The following NBAS variants were observed in gnomAD, a reference collection of about 807,000 sequenced individuals.
NBAS encodes NAG/BC035112 fusion.
In NBAS, 219 loss-of-function variants were observed where a neutral mutation model predicts 302.5. The observed-to-expected ratio is 0.72, with a 90% CI of 0.65 to 0.81. The LOEUF is 0.81. NBAS is among the 30% of genes least tolerant of loss of function. The probability of loss-of-function intolerance (pLI) is 0.00; values close to 1 mark genes in which losing one functional copy is unlikely to be tolerated. For missense variants in NBAS, 2,932 were observed against 2,841.6 expected (o/e 1.03, Z -0.72); for synonymous variants, 1,118 against 1,021.6 (o/e 1.09, Z -1.80).
chr2:15,160,346 G>A, the NBAS span, among the ~76,000 whole-genome samples: 5 of 152,272 alleles, frequency 3.3e-5, no homozygotes, highest in African/African-American at 7.2e-5. Flanking sequence ...GGTGGCAGGC[G>A]ATGAGAGAGA....
intron 21 of NBAS, among the ~76,000 whole-genome samples, chr2:15,440,392 CA>C (rs1342478974): frequency 6.6e-6 from 1 of 152,218 alleles, no homozygotes; most frequent in Non-Finnish European, 1.5e-5. Flanking sequence ...GATACCCAGG[CA>C]AACAGGGTCT....
the NBAS span, among the ~76,000 whole-genome samples, chr2:15,118,147 C>T: frequency 6.6e-5 from 10 of 152,318 alleles, no homozygotes; most frequent in African/African-American, 2.4e-4. Flanking sequence ...CCGTGTCAGG[C>T]GGGCAGAGGA....
the NBAS span, among the ~76,000 whole-genome samples, chr2:14,788,849 G>A: frequency 6.6e-5 from 10 of 152,326 alleles, no homozygotes; most frequent in South Asian, 2.1e-3. Context: ...GAGAACCACT[G>A]CTCTCTTCAA....
At chr2:14,871,764 T>C in the NBAS span, among the ~76,000 whole-genome samples, 6 of 151,830 alleles carry the variant, frequency 4.0e-5, no homozygotes, top group Non-Finnish European at 7.4e-5. Context: ...AATATTGTGA[T>C]AATATAATAA....
At chr2:14,780,873 AT>A in the NBAS span, among the ~76,000 whole-genome samples, 1 of 152,150 alleles carries the variant, frequency 6.6e-6, no homozygotes, top group Non-Finnish European at 1.5e-5. Context: ...TTCTTTGTAA[AT>A]TTGGTCACAA....
At chr2:15,232,619 C>G in intron 46 of NBAS, 108 bp from the exon 47 acceptor site, 1 of 891,570 alleles carries the variant, frequency 1.1e-6, no homozygotes, top group Non-Finnish European at 1.8e-6. Flanking sequence ...GCACAGTATA[C>G]TGCCTGCCCA....
chr2:15,002,956 C>A, the NBAS span, among the ~76,000 whole-genome samples: 1 of 152,236 alleles, frequency 6.6e-6, no homozygotes, highest in African/African-American at 2.4e-5. Context: ...CCGGCTCCGG[C>A]CTTGGCCAGC....
chr2:14,823,035 A>G, the NBAS span, among the ~76,000 whole-genome samples: 1 of 152,320 alleles, frequency 6.6e-6, no homozygotes, highest in African/African-American at 2.4e-5. Flanking sequence ...TGTCACATAT[A>G]GTGTTCTGTC....
the NBAS span, among the ~76,000 whole-genome samples, chr2:14,811,738 G>A: frequency 7.9e-4 from 121 of 152,260 alleles, 1 homozygote; most frequent in African/African-American, 2.8e-3. Flanking sequence ...AGTAACCCAG[G>A]AACCTAGAAA....
chr2:15,357,347 A>C (rs1355442368), intron 32 of NBAS, among the ~76,000 whole-genome samples: 2 of 152,236 alleles, frequency 1.3e-5, no homozygotes, highest in Non-Finnish European at 2.9e-5. Flanking sequence ...ACTCACTCAG[A>C]AGAGCCCTGA....
chr2:14,883,571 A>C, the NBAS span, among the ~76,000 whole-genome samples: 1 of 152,184 alleles, frequency 6.6e-6, no homozygotes. Flanking sequence ...CAAAATCACT[A>C]TGATTTGGAG....
At chr2:15,091,824 C>T in the NBAS span, among the ~76,000 whole-genome samples, 2 of 152,372 alleles carry the variant, frequency 1.3e-5, no homozygotes, top group Non-Finnish European at 2.9e-5. Context: ...TGAGCTACCG[C>T]ACCCAGCCTC....
the NBAS span, among the ~76,000 whole-genome samples, chr2:14,791,868 A>G: frequency 6.6e-6 from 1 of 152,016 alleles, no homozygotes; most frequent in Non-Finnish European, 1.5e-5. Flanking sequence ...GAACAGGTGG[A>G]AAGAAGTGAA....
At chr2:15,251,968 T>G (rs1440873770) in intron 44 of NBAS, among the ~76,000 whole-genome samples, 1 of 152,128 alleles carries the variant, frequency 6.6e-6, no homozygotes, top group Non-Finnish European at 1.5e-5. Context: ...TGTCAGAGAA[T>G]GAGGAAGAAT....
At chr2:15,038,482 T>C in the NBAS span, among the ~76,000 whole-genome samples, 38 of 152,284 alleles carry the variant, frequency 2.5e-4, 1 homozygote, top group East Asian at 7.1e-3. Flanking sequence ...CTCACTTCGG[T>C]CTGCACATCT....
At chr2:15,008,256 A>G in the NBAS span, among the ~76,000 whole-genome samples, 6 of 152,230 alleles carry the variant, frequency 3.9e-5, no homozygotes, top group Admixed American at 6.5e-5. Context: ...CCTTAGTCAC[A>G]GAGACCCCGC....
chr2:15,033,629 A>G, the NBAS span, among the ~76,000 whole-genome samples: 1 of 152,164 alleles, frequency 6.6e-6, no homozygotes, highest in African/African-American at 2.4e-5. Context: ...TAATTAGTTC[A>G]TAAGGGTGAA....
At position 15,461,783 on chromosome 2, in the gene NBAS, T is replaced by C; in HGVS notation, c.2106A>G (p.Leu702=). The change falls in exon 20 of 52, where the codon CTA becomes CTG. Residue 702 remains leucine, a synonymous_variant. Transcript: ENST00000281513. ...TCTGTTCAGATGCATGAGGCACTCC[T>C]AGGATTTCCTGAGGGGAAATTTAAT... ...LDRLATYEEI[L]GVPHASEQRY... 1 of 1,583,058 alleles carries C rather than the reference T, an allele frequency of 6.3e-7. No homozygotes were observed. Among genetic ancestry groups the C allele is most frequent in the African/African-American group, 1.3e-5 (1 of 74,226 alleles).
At position 15,205,542 on chromosome 2, in the gene NBAS, C is replaced by T. The variant is rs932802161; in HGVS notation, c.6432+13231G>A. 2.6e-5 allele frequency among the ~76,000 whole-genome samples: 4 copies of T among 151,566 alleles called. No homozygotes were observed. In the East Asian group the frequency reaches 5.8e-4, roughly 22 times the overall value. ...ATGCTTCACCTATAAAGACAACATACGCTCAAAATAAAGGGGGAAAAAAAA... is the reference window on the plus strand; with the variant it reads ...ATGCTTCACCTATAAAGACAACATATGCTCAAAATAAAGGGGGAAAAAAAA... On this transcript the variant is annotated intron_variant, in intron 48 of 51. Transcript: ENST00000281513.
Sources: gnomAD v4.1 joint callset for allele counts (sites outside exome capture counted in the v4.1 genomes callset) on GRCh38, gnomAD v4.1.1 for gene constraint, MANE v1.5 for transcripts, NCBI Gene and HGNC (gene_info 2026-07-23, HGNC 2026-07-21) for gene names.